The following FIGN variants were observed in gnomAD, a reference collection of about 807,000 sequenced individuals.
FIGN encodes fidgetin.
Under a neutral mutation model 51.3 loss-of-function variants are expected in FIGN, and 11 were observed. That is an observed-to-expected ratio of 0.21 (90% CI 0.13 to 0.35). The LOEUF (loss-of-function observed/expected upper bound fraction) is 0.35, where lower values mean the gene tolerates loss of function less well. Ranked by LOEUF, FIGN falls within the 10% of genes least tolerant of loss-of-function variation. The pLI, the probability that FIGN is intolerant of heterozygous loss-of-function variation, is 1.00. For synonymous variants in FIGN, 407 were observed against 363.2 expected (o/e 1.12, Z -1.37); for missense variants, 857 against 943.6 (o/e 0.91, Z 1.20).
chr2:163,687,906 T>C (rs1256753785), intron 2 of FIGN, among the ~76,000 whole-genome samples: 4 of 152,138 alleles, frequency 2.6e-5, no homozygotes, highest in South Asian at 2.1e-4. Flanking sequence ...CAAAAAGGCA[T>C]CATCCCTGAC....
chr2:163,613,635 G>A (rs934647614), intron 2 of FIGN, among the ~76,000 whole-genome samples: 2 of 152,172 alleles, frequency 1.3e-5, no homozygotes, highest in African/African-American at 4.8e-5. Flanking sequence ...TGTGCTAATT[G>A]TGTTAATTTA....
At chr2:163,613,186 C>T (rs377363992) in intron 2 of FIGN, among the ~76,000 whole-genome samples, 22 of 151,956 alleles carry the variant, frequency 1.4e-4, no homozygotes, top group African/African-American at 4.1e-4. Flanking sequence ...TCTCCTTTTT[C>T]CCATTGCTGG....
At chr2:163,704,421 G>C (rs1035360538) in intron 2 of FIGN, among the ~76,000 whole-genome samples, 6 of 151,984 alleles carry the variant, frequency 3.9e-5, no homozygotes, top group African/African-American at 1.4e-4. Flanking sequence ...GCATTTCCTT[G>C]TGGGCTGTGT....
At chr2:163,645,185 G>A (rs1267805922) in intron 2 of FIGN, among the ~76,000 whole-genome samples, 1 of 152,098 alleles carries the variant, frequency 6.6e-6, no homozygotes, top group Non-Finnish European at 1.5e-5. Context: ...TGACATTAGA[G>A]ACAGATGGAA....
chr2:163,617,714 G>A (rs529668980), intron 2 of FIGN, among the ~76,000 whole-genome samples: 3 of 152,070 alleles, frequency 2.0e-5, no homozygotes, highest in Admixed American at 2.0e-4. Flanking sequence ...TGGCAGCATT[G>A]CTTACATCAT....
Position 163,673,653 on chromosome 2 carries a change from G to A in FIGN, c.25+61250C>T, listed in dbSNP as rs115266422. 1.6e-3 allele frequency among the ~76,000 whole-genome samples: 248 copies of A among 152,222 alleles called. 1 individual carries two copies. The Middle Eastern group carries it at 0.031, about 19-fold the overall frequency. On this transcript the variant is annotated intron_variant, in intron 2 of 2. Transcript: ENST00000333129. Reference sequence around the variant, plus strand: ...CCCACCTTGCAAGAAGAAAACGGAAGCTCAGATGGATTAAAACTATATGCT... The same window carrying A: ...CCCACCTTGCAAGAAGAAAACGGAAACTCAGATGGATTAAAACTATATGCT...
At chr2:163,722,709 C>G (rs1684776761) in intron 2 of FIGN, among the ~76,000 whole-genome samples, 3 of 151,932 alleles carry the variant, frequency 2.0e-5, no homozygotes, top group Admixed American at 2.0e-4. Context: ...GAATTAATGA[C>G]TGTAAGCTCC....
At chr2:163,632,552 T>A (rs946684282) in intron 2 of FIGN, among the ~76,000 whole-genome samples, 2 of 152,196 alleles carry the variant, frequency 1.3e-5, no homozygotes, top group Non-Finnish European at 2.9e-5. Flanking sequence ...GATCCCTGCA[T>A]GGGCACTGGA....
chr2:163,681,363 A>AAGAGAG (rs1684058917), intron 2 of FIGN, among the ~76,000 whole-genome samples: 1 of 152,294 alleles, frequency 6.6e-6, no homozygotes, highest in South Asian at 2.1e-4. Context: ...ATGACACCAC[A>AAGAGAG]ACTTTTCTCT....
At chr2:163,673,607 C>T (rs1401883648) in intron 2 of FIGN, among the ~76,000 whole-genome samples, 2 of 152,064 alleles carry the variant, frequency 1.3e-5, no homozygotes, top group Non-Finnish European at 2.9e-5. Context: ...AGTAATGAAG[C>T]CATACTGTGC....
At chr2:163,657,500 CTGTGTGTGTGTGTGTG>C (rs72033079) in intron 2 of FIGN, among the ~76,000 whole-genome samples, 1 of 147,426 alleles carries the variant, frequency 6.8e-6, no homozygotes, top group Non-Finnish European at 1.5e-5. Flanking sequence ...CAGAGGGAGT[CTGTGTGTGTGTGTGTG>C]TGTGTGTGTG....
chr2:163,615,268 G>A (rs1043944350), intron 2 of FIGN, among the ~76,000 whole-genome samples: 8 of 152,110 alleles, frequency 5.3e-5, no homozygotes, highest in African/African-American at 9.7e-5. Context: ...CCCCTGAAAC[G>A]AGAATTTATC....
chr2:163,720,319 C>G (rs972323001), intron 2 of FIGN, among the ~76,000 whole-genome samples: 2 of 152,128 alleles, frequency 1.3e-5, no homozygotes, highest in Non-Finnish European at 1.5e-5. Flanking sequence ...CATGACTAAA[C>G]TAAACCCTGG....
At chr2:163,683,638 T>A (rs1684099879) in intron 2 of FIGN, among the ~76,000 whole-genome samples, 1 of 152,150 alleles carries the variant, frequency 6.6e-6, no homozygotes, top group African/African-American at 2.4e-5. Flanking sequence ...TAGGTGCACA[T>A]TGGAATTGCC....
intron 2 of FIGN, among the ~76,000 whole-genome samples, chr2:163,651,201 C>T (rs1386116543): frequency 6.6e-6 from 1 of 152,284 alleles, no homozygotes; most frequent in East Asian, 1.9e-4. Flanking sequence ...CGGTGGCTCA[C>T]GCCTGTATCC....
intron 2 of FIGN, among the ~76,000 whole-genome samples, chr2:163,660,243 T>A (rs1446758518): frequency 6.6e-6 from 1 of 152,218 alleles, no homozygotes; most frequent in Non-Finnish European, 1.5e-5. Context: ...AATATTTCTG[T>A]AGTGCTCTAT....
chr2:163,660,498 G>T (rs1683636031), intron 2 of FIGN, among the ~76,000 whole-genome samples: 1 of 151,492 alleles, frequency 6.6e-6, no homozygotes, highest in African/African-American at 2.4e-5. Flanking sequence ...CATACAAAGA[G>T]AAAATATTCT....
chr2:163,659,106 A>C (rs942354728), intron 2 of FIGN, among the ~76,000 whole-genome samples: 5 of 152,178 alleles, frequency 3.3e-5, no homozygotes, highest in African/African-American at 1.2e-4. Flanking sequence ...GTTCTATAGT[A>C]ATTACAAAAA....
At chr2:163,612,388 A>G in intron 2 of FIGN, 1 of 985,376 alleles carries the variant, frequency 1.0e-6, no homozygotes, top group Non-Finnish European at 1.2e-6. Flanking sequence ...GCGCAGAACA[A>G]TATGACACAG....
Sources: gnomAD v4.1 joint callset for allele counts (sites outside exome capture counted in the v4.1 genomes callset) on GRCh38, gnomAD v4.1.1 for gene constraint, MANE v1.5 for transcripts, NCBI Gene and HGNC (gene_info 2026-07-23, HGNC 2026-07-21) for gene names.